Variants in GALNTL6 observed in about 807,000 individuals in gnomAD.
GALNTL6 encodes the protein polypeptide N-acetylgalactosaminyltransferase-like 6.
GALNTL6 carries 46 observed loss-of-function variants against 73.7 expected under a neutral mutation model. The observed-to-expected ratio is 0.62, with a 90% CI of 0.49 to 0.80. The LOEUF is 0.80. GALNTL6 is among the 30% of genes least tolerant of loss of function. The pLI is 0.00. For missense variants in GALNTL6, 604 were observed against 755.0 expected, an observed-to-expected ratio of 0.80 and a Z score of 2.34; for synonymous variants, 259 against 263.7, an observed-to-expected ratio of 0.98 and a Z score of 0.17.
intron 2 of GALNTL6, among the ~76,000 whole-genome samples, chr4:172,160,155 TA>T (rs940660611): frequency 5.9e-5 from 9 of 151,996 alleles, no homozygotes; most frequent in Non-Finnish European, 1.3e-4. Flanking sequence ...TGTGTGTGTA[TA>T]AATATAAGTG....
intron 5 of GALNTL6, among the ~76,000 whole-genome samples, chr4:172,441,712 A>C (rs1343893558): frequency 6.6e-6 from 1 of 152,132 alleles, no homozygotes; most frequent in Admixed American, 6.6e-5. Flanking sequence ...CATGTGTTAG[A>C]ATATGATTGT....
intron 2 of GALNTL6, among the ~76,000 whole-genome samples, chr4:172,032,740 TG>T (rs1450995995): frequency 2.6e-5 from 4 of 152,072 alleles, no homozygotes; most frequent in African/African-American, 7.2e-5. Flanking sequence ...TGCATTAGAA[TG>T]TTTTTTTCCA....
intron 5 of GALNTL6, among the ~76,000 whole-genome samples, chr4:172,555,057 A>AT (rs1181315390): frequency 6.6e-5 from 10 of 152,032 alleles, no homozygotes; most frequent in African/African-American, 1.7e-4. Context: ...AGTCTTACTT[A>AT]ATTTAGTTAT....
At chr4:172,678,248 G>A (rs916498743) in intron 5 of GALNTL6, among the ~76,000 whole-genome samples, 12 of 152,218 alleles carry the variant, frequency 7.9e-5, no homozygotes, top group Non-Finnish European at 1.3e-4. Flanking sequence ...AGCCTAAGCT[G>A]TGTGAAGGCA....
intron 10 of GALNTL6, among the ~76,000 whole-genome samples, chr4:172,955,893 G>A (rs1749723743): frequency 6.6e-6 from 1 of 152,120 alleles, no homozygotes; most frequent in Non-Finnish European, 1.5e-5. Context: ...GCCAGGATGA[G>A]CCAGGAAAAT....
chr4:172,397,947 T>A (rs1039688125), intron 5 of GALNTL6, among the ~76,000 whole-genome samples: 8 of 152,198 alleles, frequency 5.3e-5, no homozygotes, highest in Admixed American at 4.6e-4. Context: ...GTCTTTCTTT[T>A]TTTTTACTTT....
intron 5 of GALNTL6, among the ~76,000 whole-genome samples, chr4:172,564,906 C>T (rs974265921): frequency 6.6e-6 from 1 of 152,184 alleles, no homozygotes; most frequent in African/African-American, 2.4e-5. Flanking sequence ...ATTGCATTAA[C>T]TAATGTTAAA....
rs529163737 is a variant in GALNTL6, at chr4:171,813,543, G to C, written c.-617G>C. ...GCTTCCAAGCCCAGCACAGACTTCG[G>C]TTTCTCCGCCTCCATCCCCTTTACG... On this transcript the variant is annotated 5_prime_UTR_variant, in exon 1 of 13. Coordinates refer to ENST00000506823, the MANE Select transcript of GALNTL6 (RefSeq NM_001034845.3). The surrounding 1 kb of genome is among the most constrained non-coding windows in gnomAD (Gnocchi z 5.2). The C allele has an allele frequency of 6.6e-6, 1 of 152,538 alleles. No individual in the cohort carries two copies. The highest frequency in any genetic ancestry group is 1.9e-4 in the East Asian group (1 of 5,176). 9.4% of individuals were successfully genotyped at this position (152,538 alleles called of 1,614,324 possible). A position where few individuals can be genotyped will look rare whatever the true frequency, so the allele number is the denominator to read the frequency against.
rs1009801687 is a variant in GALNTL6 at position 172,183,166 on chromosome 4, A to G, written c.139-46490A>G. Among the ~76,000 whole-genome samples, 8 of 152,362 alleles carry G rather than the reference A, an allele frequency of 5.3e-5. No individual in the cohort carries two copies. The South Asian group carries it at 1.7e-3, about 32-fold the overall frequency. On this transcript the variant is annotated intron_variant, in intron 2 of 12. Coordinates refer to ENST00000506823, the MANE Select transcript of GALNTL6 (RefSeq NM_001034845.3). ...AAATTATTTTATTCAATCTGTGAAT[A>G]TTATCAAATAAAACTAGGATTGCTT...
chr4:172,790,394 G>C (rs925334167), intron 5 of GALNTL6, among the ~76,000 whole-genome samples: 1 of 152,100 alleles, frequency 6.6e-6, no homozygotes, highest in African/African-American at 2.4e-5. Flanking sequence ...AGGTGTCCTA[G>C]AAATTTTTCT....
At chr4:172,828,572 G>A (rs1402433638) in intron 7 of GALNTL6, among the ~76,000 whole-genome samples, 1 of 151,918 alleles carries the variant, frequency 6.6e-6, no homozygotes, top group African/African-American at 2.4e-5. Context: ...CATAAAAAAA[G>A]AGAAAAAAAC....
chr4:172,623,793 G>T (rs1265342390), intron 5 of GALNTL6, among the ~76,000 whole-genome samples: 2 of 152,056 alleles, frequency 1.3e-5, no homozygotes, highest in African/African-American at 2.4e-5. Context: ...ACTAGGTTTT[G>T]GTCTGGAAGG....
chr4:172,720,099 C>T (rs1208868011), intron 5 of GALNTL6, among the ~76,000 whole-genome samples: 1 of 151,970 alleles, frequency 6.6e-6, no homozygotes, highest in East Asian at 1.9e-4. Context: ...GTGCTGACCT[C>T]GTATCTCATC....
chr4:172,931,340 A>G, intron 9 of GALNTL6, 72 bp downstream of exon 9: 2 of 870,754 alleles, frequency 2.3e-6, no homozygotes, highest in Admixed American at 3.4e-5. Flanking sequence ...AACCTTGCCC[A>G]TGGCACAGTC....
At chr4:172,606,731 C>G (rs1738319886) in intron 5 of GALNTL6, among the ~76,000 whole-genome samples, 2 of 120,674 alleles carry the variant, frequency 1.7e-5, no homozygotes, top group Non-Finnish European at 3.8e-5. Flanking sequence ...ATATATACTA[C>G]TATTGCAGTA....
chr4:172,690,911 C>CTAA (rs1347850630), intron 5 of GALNTL6, among the ~76,000 whole-genome samples: 2 of 152,088 alleles, frequency 1.3e-5, no homozygotes, highest in Non-Finnish European at 2.9e-5. Context: ...TATCAGAACT[C>CTAA]TAAGAGATTT....
chr4:172,793,533 T>C (rs1023051963), intron 5 of GALNTL6, among the ~76,000 whole-genome samples: 23 of 152,124 alleles, frequency 1.5e-4, no homozygotes, highest in African/African-American at 5.3e-4. Flanking sequence ...CCCGGGACCA[T>C]GGGAGACACA....
At chr4:172,479,317 T>TAC (rs60085866) in intron 5 of GALNTL6, among the ~76,000 whole-genome samples, 94 of 151,452 alleles carry the variant, frequency 6.2e-4, no homozygotes, top group Non-Finnish European at 7.7e-4. Context: ...TGTGTATACA[T>TAC]ACACACACAC....
rs190430165 is a variant in GALNTL6 at position 172,301,709 on chromosome 4, G to A, written c.248-9905G>A. Among the ~76,000 whole-genome samples the A allele has an allele frequency of 3.7e-3, 560 of 152,276 alleles. 1 individual carries two copies. Among genetic ancestry groups the A allele is most frequent in the African/African-American group, 0.012 (516 of 41,564 alleles). On this transcript the variant is annotated intron_variant, in intron 3 of 12. Coordinates refer to ENST00000506823, the MANE Select transcript of GALNTL6 (RefSeq NM_001034845.3). ...ATATTGGTGAACAGCAAATGTTGCT[G>A]CCTGATTGTGCCTCTTGAAGTTTTG...
Sources: allele counts gnomAD v4.1 joint callset (sites outside exome capture counted in the v4.1 genomes callset), GRCh38; gene constraint gnomAD v4.1.1; non-coding constraint Gnocchi (gnomAD v3.1); transcripts MANE v1.5; gene names NCBI Gene and HGNC (gene_info 2026-07-23, HGNC 2026-07-21).